TENM2: variants seen among roughly 807,000 people sequenced by gnomAD.
The protein encoded by TENM2 is teneurin transmembrane protein 2, also known as teneurin-2.
TENM2 carries 52 observed loss-of-function variants against 245.2 expected under a neutral mutation model. That is an observed-to-expected ratio of 0.21 (90% CI 0.17 to 0.27). The LOEUF (loss-of-function observed/expected upper bound fraction) is 0.27, where lower values mean the gene tolerates loss of function less well. Among genes scored for constraint, TENM2 ranks in the 10% least tolerant of loss-of-function variants. TENM2 has a pLI of 1.00. For missense variants in TENM2, 3,046 were observed against 3,666.8 expected, an observed-to-expected ratio of 0.83 and a Z score of 4.37; for synonymous variants, 1,363 against 1,438.9, an observed-to-expected ratio of 0.95 and a Z score of 1.19.
At chr5:167,356,847 G>A (rs1759367548) in intron 1 of TENM2, among the ~76,000 whole-genome samples, 1 of 152,188 alleles carries the variant, frequency 6.6e-6, no homozygotes, top group Non-Finnish European at 1.5e-5. Flanking sequence ...TCCATAAAAA[G>A]ACATTTAAAA....
the TENM2 span, among the ~76,000 whole-genome samples, chr5:167,061,064 G>A: frequency 6.7e-6 from 1 of 148,940 alleles, no homozygotes; most frequent in East Asian, 2.0e-4. Context: ...TACTTCTAGG[G>A]GTGGTGCGTG....
At chr5:167,356,540 G>C (rs1388772088) in intron 1 of TENM2, among the ~76,000 whole-genome samples, 1 of 152,216 alleles carries the variant, frequency 6.6e-6, no homozygotes, top group Non-Finnish European at 1.5e-5. Context: ...ATTGAGCCCT[G>C]GGTATGCCTT....
chr5:168,101,343 C>T (rs543200416), intron 9 of TENM2, among the ~76,000 whole-genome samples: 9 of 152,256 alleles, frequency 5.9e-5, no homozygotes, highest in African/African-American at 1.9e-4. Context: ...TGACACACAT[C>T]GATGTATTAT....
chr5:167,753,227 G>A (rs1460175225), intron 2 of TENM2, among the ~76,000 whole-genome samples: 1 of 152,108 alleles, frequency 6.6e-6, no homozygotes, highest in South Asian at 2.1e-4. Flanking sequence ...TGCTATATAC[G>A]GAAAAGTTGC....
At chr5:167,477,390 A>T in intron 2 of TENM2, among the ~76,000 whole-genome samples, 1 of 151,954 alleles carries the variant, frequency 6.6e-6, no homozygotes, top group East Asian at 1.9e-4. Flanking sequence ...AAAAATGCAT[A>T]AACATTATAA....
intron 2 of TENM2, among the ~76,000 whole-genome samples, chr5:167,570,845 T>C (rs1333395670): frequency 6.6e-6 from 1 of 152,286 alleles, no homozygotes; most frequent in African/African-American, 2.4e-5. Flanking sequence ...TGAATGATTG[T>C]GGTGGGGGAA....
the TENM2 span, among the ~76,000 whole-genome samples, chr5:167,119,921 T>C: frequency 6.6e-6 from 1 of 152,184 alleles, no homozygotes; most frequent in African/African-American, 2.4e-5. Context: ...TAGGGTATTT[T>C]GTTTGCATGG....
chr5:167,480,377 C>T (rs1220359237), intron 2 of TENM2, among the ~76,000 whole-genome samples: 1 of 152,164 alleles, frequency 6.6e-6, no homozygotes, highest in African/African-American at 2.4e-5. Flanking sequence ...ATTATTTCTC[C>T]AAGTATTCCC....
chr5:167,550,372 C>G (rs1310180182), intron 2 of TENM2, among the ~76,000 whole-genome samples: 1 of 152,182 alleles, frequency 6.6e-6, no homozygotes, highest in East Asian at 1.9e-4. Flanking sequence ...TCTCACAACT[C>G]TTGCCTTTTA....
At chr5:167,459,335 G>C (rs1246828550) in intron 2 of TENM2, among the ~76,000 whole-genome samples, 1 of 152,192 alleles carries the variant, frequency 6.6e-6, no homozygotes, top group Non-Finnish European at 1.5e-5. Flanking sequence ...CCTTCCTTTT[G>C]AAGGCTGAAG....
intron 2 of TENM2, among the ~76,000 whole-genome samples, chr5:167,658,494 A>G (rs1230955914): frequency 6.6e-6 from 1 of 151,958 alleles, no homozygotes; most frequent in East Asian, 1.9e-4. Context: ...TTTTATCAAG[A>G]TCTTAATCCC....
chr5:168,218,779 G>A lies in TENM2; in HGVS notation c.4888G>A (p.Asp1630Asn), dbSNP rs1763421105. ...TGACAATGATGTCACTGAATTGATT[G>A]ACAATAATGGGAATTCCCTGAAGAT... The change falls in exon 23 of 29, where the codon GAC becomes AAC. Residue 1630 changes from aspartate (D) to asparagine (N), a missense_variant. By Grantham distance (23) the Asp-to-Asn change is conservative (BLOSUM62 1). This residue lies in a region of TENM2 where 2,704 missense variants were observed against 3,331.9 expected (regional missense o/e 0.81). Transcript: ENST00000518659. This position sits in a 1 kb window ranked among gnomAD's most constrained non-coding sequence, Gnocchi z 5.2. 1 of 1,614,020 alleles carries A rather than the reference G, an allele frequency of 6.2e-7. No individual in the cohort carries two copies.
intron 2 of TENM2, among the ~76,000 whole-genome samples, chr5:167,731,365 T>G (rs182396857): frequency 6.6e-6 from 1 of 152,250 alleles, no homozygotes; most frequent in East Asian, 1.9e-4. Context: ...TTCTGGCCTG[T>G]GCTCTGAGAA....
intron 5 of TENM2, among the ~76,000 whole-genome samples, chr5:168,006,765 G>A (rs1395920354): frequency 6.6e-6 from 1 of 152,176 alleles, no homozygotes; most frequent in Non-Finnish European, 1.5e-5. Flanking sequence ...ACAGTGACGT[G>A]CTGCCTGAAA....
chr5:167,612,630 C>G (rs911836319), intron 2 of TENM2, among the ~76,000 whole-genome samples: 5 of 151,846 alleles, frequency 3.3e-5, no homozygotes, highest in Non-Finnish European at 7.4e-5. Flanking sequence ...ATTTTTACAC[C>G]CTTCATTAAT....
exon 27 of TENM2, chr5:168,246,807 C>A: frequency 6.2e-7 from 1 of 1,614,004 alleles, no homozygotes; most frequent in Non-Finnish European, 8.5e-7. Flanking sequence ...TTGAGTATGA[C>A]TCCTCTGACC....
intron 2 of TENM2, among the ~76,000 whole-genome samples, chr5:167,603,676 G>A (rs1303810386): frequency 6.6e-6 from 1 of 152,084 alleles, no homozygotes; most frequent in East Asian, 1.9e-4. Flanking sequence ...GTCAGACCTT[G>A]TCTCAAAAAC....
chr5:167,680,036 C>G (rs913792808), intron 2 of TENM2, among the ~76,000 whole-genome samples: 3 of 151,986 alleles, frequency 2.0e-5, no homozygotes, highest in African/African-American at 7.3e-5. Context: ...AACTCCTTAC[C>G]CTGTGTCTTT....
At chr5:167,006,700 C>CT in the TENM2 span, among the ~76,000 whole-genome samples, 3 of 150,554 alleles carry the variant, frequency 2.0e-5, no homozygotes, top group Non-Finnish European at 4.4e-5. Flanking sequence ...GAGTTTCACT[C>CT]TTGTTGCCCA....
Sources: allele counts gnomAD v4.1 joint callset (sites outside exome capture counted in the v4.1 genomes callset), GRCh38; gene constraint gnomAD v4.1.1; regional missense constraint gnomAD v4.1.1; non-coding constraint Gnocchi (gnomAD v3.1); transcripts MANE v1.5; gene names NCBI Gene and HGNC (gene_info 2026-07-23, HGNC 2026-07-21).